BNC2: variants seen among roughly 807,000 people sequenced by gnomAD.
BNC2 encodes the protein zinc finger protein basonuclin-2.
Under a neutral mutation model 76.3 loss-of-function variants are expected in BNC2, and 20 were observed. The ratio of observed to expected loss-of-function variants is 0.26; its 90% CI spans 0.18 to 0.38. The LOEUF (loss-of-function observed/expected upper bound fraction) is 0.38. Ranked by LOEUF, BNC2 falls within the 10% of genes least tolerant of loss-of-function variation. The pLI is 1.00. For synonymous variants in BNC2, 582 were observed against 514.8 expected (o/e 1.13, Z -1.77); for missense variants, 1,382 against 1,399.8 (o/e 0.99, Z 0.20).
chr9:16,735,216 G>A (rs927263401), intron 2 of BNC2, among the ~76,000 whole-genome samples: 3 of 152,080 alleles, frequency 2.0e-5, no homozygotes, highest in Non-Finnish European at 4.4e-5. Flanking sequence ...TGAATCTTGT[G>A]CCTACAAAAG....
intron 3 of BNC2, among the ~76,000 whole-genome samples, chr9:16,652,694 G>A (rs1821826258): frequency 6.6e-6 from 1 of 151,922 alleles, no homozygotes; most frequent in South Asian, 2.1e-4. Flanking sequence ...TTTTCCTTCG[G>A]GCAAATCTGA....
At chr9:16,599,443 C>A (rs993017385) in intron 3 of BNC2, among the ~76,000 whole-genome samples, 2 of 152,170 alleles carry the variant, frequency 1.3e-5, no homozygotes, top group African/African-American at 4.8e-5. Context: ...CTTCTAACAC[C>A]TTCTTCAAAT....
intron 1 of BNC2, among the ~76,000 whole-genome samples, chr9:16,837,443 G>T (rs1285365101): frequency 6.6e-6 from 1 of 152,200 alleles, no homozygotes; most frequent in Non-Finnish European, 1.5e-5. Context: ...GGCAGAGGTT[G>T]CAGAGAGCTG....
intron 1 of BNC2, among the ~76,000 whole-genome samples, chr9:16,846,744 T>A (rs1809565047): frequency 6.6e-6 from 1 of 152,242 alleles, no homozygotes; most frequent in Admixed American, 6.5e-5. Flanking sequence ...CCCCAAATTA[T>A]TTTAGACCAA....
intron 3 of BNC2, among the ~76,000 whole-genome samples, chr9:16,631,591 A>C (rs1214478919): frequency 6.6e-6 from 1 of 152,240 alleles, no homozygotes; most frequent in Admixed American, 6.5e-5. Context: ...AAAGTTTTTC[A>C]TTCTGCAACT....
intron 1 of BNC2, among the ~76,000 whole-genome samples, chr9:16,756,401 CCTCT>C (rs1352822175): frequency 2.6e-5 from 4 of 152,126 alleles, no homozygotes; most frequent in Non-Finnish European, 5.9e-5. Flanking sequence ...ATCCTCCATT[CCTCT>C]CTCTATTACT....
intron 1 of BNC2, among the ~76,000 whole-genome samples, chr9:16,861,293 G>A (rs1216135427): frequency 6.6e-6 from 1 of 151,332 alleles, no homozygotes; most frequent in Non-Finnish European, 1.5e-5. Flanking sequence ...GTTCAAGGCT[G>A]CAGTGAGCCA....
At chr9:16,579,028 C>T (rs1390889906) in intron 4 of BNC2, among the ~76,000 whole-genome samples, 5 of 152,066 alleles carry the variant, frequency 3.3e-5, no homozygotes, top group African/African-American at 1.2e-4. Flanking sequence ...ATAAGCCCTG[C>T]TTTCTATTAT....
chr9:16,689,201 ACTT>A (rs1003169690), intron 3 of BNC2, among the ~76,000 whole-genome samples: 1 of 151,356 alleles, frequency 6.6e-6, no homozygotes, highest in African/African-American at 2.4e-5. Context: ...TAGGGACCAG[ACTT>A]CTGAAAAGAA....
At chr9:16,446,508 A>G (rs1821234504) in intron 5 of BNC2, among the ~76,000 whole-genome samples, 1 of 152,138 alleles carries the variant, frequency 6.6e-6, no homozygotes, top group Admixed American at 6.6e-5. Flanking sequence ...TGGAAAGGAT[A>G]TATTTTTAAA....
intron 5 of BNC2, among the ~76,000 whole-genome samples, chr9:16,450,288 A>G (rs1050404325): frequency 2.0e-5 from 3 of 152,242 alleles, no homozygotes; most frequent in African/African-American, 7.2e-5. Flanking sequence ...TCTTTAAATA[A>G]TAATTTAAAA....
rs1336560331 is a variant in BNC2 at position 16,416,847 on chromosome 9, C to T, written c.*2142G>A. The T allele has an allele frequency of 2.6e-5, 4 of 152,632 alleles. No homozygotes were observed. Among genetic ancestry groups the T allele is most frequent in the African/African-American group, 9.6e-5 (4 of 41,558 alleles). 9.5% of individuals were successfully genotyped at this position (152,632 alleles called of 1,614,324 possible). A position where few individuals can be genotyped will look rare whatever the true frequency, so the allele number is the denominator to read the frequency against. ...TGCTTATTTTGGGAAACAATAAATACTGTGAGGTACAATAAATCCTACAGG... is the reference window on the plus strand; with the variant it reads ...TGCTTATTTTGGGAAACAATAAATATTGTGAGGTACAATAAATCCTACAGG... On this transcript the variant is annotated 3_prime_UTR_variant, in exon 7 of 7. Coordinates refer to ENST00000380672, the MANE Select transcript of BNC2 (RefSeq NM_017637.6).
intron 3 of BNC2, among the ~76,000 whole-genome samples, chr9:16,630,497 G>A (rs931412355): frequency 4.6e-5 from 7 of 151,958 alleles, no homozygotes; most frequent in African/African-American, 1.4e-4. Context: ...AAAGACAAGT[G>A]AAAACAAAAA....
chr9:16,792,558 AG>A (rs1459708932), intron 1 of BNC2, among the ~76,000 whole-genome samples: 2 of 152,218 alleles, frequency 1.3e-5, no homozygotes, highest in Admixed American at 1.3e-4. Context: ...CTGAGAAGCT[AG>A]AAAGACCATT....
chr9:16,650,938 A>T (rs1042710948), intron 3 of BNC2, among the ~76,000 whole-genome samples: 6 of 152,190 alleles, frequency 3.9e-5, no homozygotes, highest in African/African-American at 1.4e-4. Flanking sequence ...CTAAAAATTA[A>T]TTTTATCTTG....
intron 1 of BNC2, among the ~76,000 whole-genome samples, chr9:16,818,907 C>G (rs1186336952): frequency 6.6e-6 from 1 of 152,124 alleles, no homozygotes; most frequent in African/African-American, 2.4e-5. Context: ...GAGAATACTG[C>G]AGATCTCTTC....
intron 5 of BNC2, among the ~76,000 whole-genome samples, chr9:16,506,374 T>C (rs533504107): frequency 2.0e-5 from 3 of 152,148 alleles, no homozygotes; most frequent in Admixed American, 6.5e-5. Flanking sequence ...TGACTCTTCT[T>C]AATCCCACGC....
intron 5 of BNC2, among the ~76,000 whole-genome samples, chr9:16,541,517 A>G (rs1293801172): frequency 6.6e-6 from 1 of 152,244 alleles, no homozygotes; most frequent in Non-Finnish European, 1.5e-5. Context: ...TCAATGGAAT[A>G]TACTCAGCAG....
intron 1 of BNC2, among the ~76,000 whole-genome samples, chr9:16,842,018 C>G (rs1269121338): frequency 6.6e-6 from 1 of 152,168 alleles, no homozygotes; most frequent in Admixed American, 6.5e-5. Flanking sequence ...CACTTTTGGT[C>G]AGGCTGGTCT....
Sources: gnomAD v4.1 joint callset for allele counts (sites outside exome capture counted in the v4.1 genomes callset) on GRCh38, gnomAD v4.1.1 for gene constraint, MANE v1.5 for transcripts, NCBI Gene and HGNC (gene_info 2026-07-23, HGNC 2026-07-21) for gene names.